The following UBASH3B variants were observed in gnomAD, a reference collection of about 807,000 sequenced individuals.
UBASH3B encodes the protein ubiquitin-associated and SH3 domain-containing protein B.
In UBASH3B, 37 loss-of-function variants were observed where a neutral mutation model predicts 83.4. The ratio of observed to expected loss-of-function variants is 0.44; its 90% CI spans 0.34 to 0.58. The LOEUF is 0.58. Ranked by LOEUF, UBASH3B falls within the 20% of genes least tolerant of loss-of-function variation. The probability of loss-of-function intolerance (pLI) is 0.01; values close to 1 mark genes in which losing one functional copy is unlikely to be tolerated. For synonymous variants in UBASH3B, 304 were observed against 318.3 expected, an observed-to-expected ratio of 0.96 and a Z score of 0.48; for missense variants, 657 against 827.2, an observed-to-expected ratio of 0.79 and a Z score of 2.52.
intron 1 of UBASH3B, among the ~76,000 whole-genome samples, chr11:122,754,613 G>C (rs1244294201): frequency 2.0e-5 from 3 of 152,180 alleles, no homozygotes; most frequent in Non-Finnish European, 4.4e-5. Context: ...TCTGGCCTTG[G>C]TTCCCACTGA....
chr11:122,771,296 G>A (rs999424386), intron 1 of UBASH3B, among the ~76,000 whole-genome samples: 2 of 149,452 alleles, frequency 1.3e-5, no homozygotes, highest in African/African-American at 2.5e-5. Flanking sequence ...GCAATGGCAC[G>A]ACCTCGGCTC....
chr11:122,785,326 G>T (rs188636860), intron 5 of UBASH3B, among the ~76,000 whole-genome samples: 138 of 152,298 alleles, frequency 9.1e-4, no homozygotes, highest in African/African-American at 3.2e-3. Context: ...TACCTGAGCC[G>T]TCTGCACACG....
rs903703777 is a variant in UBASH3B, at chr11:122,808,229, T to C, written c.1812+53T>C. ...GTGATGGCTAGTAGTTTGAAGTCAG[T>C]ACAGTGACTGGCTGATTACCAAGTT... On this transcript the variant is annotated intron_variant, in intron 13 of 13. Coordinates refer to ENST00000284273, the MANE Select transcript of UBASH3B (RefSeq NM_032873.5). 5 of 1,372,148 alleles carry C rather than the reference T, an allele frequency of 3.6e-6. No homozygotes were observed. The African/African-American group carries it at 5.7e-5, about 16-fold the overall frequency. 85.0% of individuals were successfully genotyped at this position (1,372,148 alleles called of 1,614,324 possible).
At chr11:122,771,982 T>A (rs964238091) in intron 1 of UBASH3B, among the ~76,000 whole-genome samples, 1 of 152,204 alleles carries the variant, frequency 6.6e-6, no homozygotes, top group Non-Finnish European at 1.5e-5. Context: ...AACTGCAGCT[T>A]CACCAAGATA....
rs780317913 is a variant in UBASH3B, at chr11:122,744,886, T to TGTGTGTGTG, written c.162-31332_162-31324dup. ...ACATGTGTGACTCTGTGTGTGTGTG[T>TGTGTGTGTG]GTGTGTGTGTGTGCGCGCGCGCGCG... is the stretch of plus-strand genomic sequence containing the variant. On this transcript the variant is annotated intron_variant, in intron 1 of 13. Coordinates refer to ENST00000284273, the MANE Select transcript of UBASH3B (RefSeq NM_032873.5). Among the ~76,000 whole-genome samples, 890 of 136,444 alleles carry TGTGTGTGTG rather than the reference T, an allele frequency of 6.5e-3. 9 individuals are homozygous for TGTGTGTGTG. The highest frequency in any genetic ancestry group is 0.022 in the African/African-American group (805 of 37,364). 89.5% of individuals were successfully genotyped at this position (136,444 alleles called of 152,430 possible).
chr11:122,777,832 C>T (rs1421330028), intron 3 of UBASH3B, among the ~76,000 whole-genome samples: 1 of 152,074 alleles, frequency 6.6e-6, no homozygotes, highest in African/African-American at 2.4e-5. Flanking sequence ...CGAATTCAAG[C>T]GATTCTCCTG....
Position 122,811,503 on chromosome 11 carries a change from T to G in UBASH3B, c.*1617T>G, listed in dbSNP as rs1462394558. On this transcript the variant is annotated 3_prime_UTR_variant, in exon 14 of 14. Transcript: ENST00000284273. ...AAAGGATTATAGTTGTTTTGTTTTG[T>G]TTTTAGAGACAGGGTCTCACTATAA... is the stretch of plus-strand genomic sequence containing the variant. The G allele has an allele frequency of 1.3e-5, 2 of 152,184 alleles. No homozygotes were observed. Among genetic ancestry groups the G allele is most frequent in the Non-Finnish European group, 2.9e-5 (2 of 68,046 alleles). The allele number at this position is 152,184 out of a possible 1,614,324, so 9.4% of individuals were successfully genotyped here. A position where few individuals can be genotyped will look rare whatever the true frequency, so the allele number is the denominator to read the frequency against.
Position 122,808,196 on chromosome 11 carries a change from T to G in UBASH3B, c.1812+20T>G. The G allele has an allele frequency of 6.3e-7, 1 of 1,599,692 alleles. No individual in the cohort carries two copies. The highest frequency in any genetic ancestry group is 1.7e-5 in the Admixed American group (1 of 60,002). On this transcript the variant is annotated intron_variant, in intron 13 of 13. Coordinates refer to ENST00000284273, the MANE Select transcript of UBASH3B (RefSeq NM_032873.5). ...CGAAAGGTAATTCATTCTCGTACTT[T>G]GGGGTCCGTGATGGCTAGTAGTTTG... is the stretch of plus-strand genomic sequence containing the variant.
intron 9 of UBASH3B, among the ~76,000 whole-genome samples, chr11:122,798,625 G>A (rs906782558): frequency 4.0e-5 from 6 of 151,192 alleles, no homozygotes; most frequent in Non-Finnish European, 7.4e-5. Flanking sequence ...GCAGGAGAAT[G>A]GCTTGAACCC....
At chr11:122,751,515 C>T (rs1861199311) in intron 1 of UBASH3B, among the ~76,000 whole-genome samples, 1 of 152,260 alleles carries the variant, frequency 6.6e-6, no homozygotes, top group African/African-American at 2.4e-5. Flanking sequence ...GAGCCCACCT[C>T]CTGGCTCCAG....
intron 1 of UBASH3B, among the ~76,000 whole-genome samples, chr11:122,662,157 T>C (rs1591758665): frequency 1.3e-5 from 2 of 152,218 alleles, no homozygotes; most frequent in Admixed American, 1.3e-4. Flanking sequence ...TCATCCCGCC[T>C]TGGCCTCCCA....
intron 1 of UBASH3B, among the ~76,000 whole-genome samples, chr11:122,677,466 T>C (rs1188293686): frequency 6.6e-6 from 1 of 152,160 alleles, no homozygotes; most frequent in East Asian, 1.9e-4. Flanking sequence ...CCCTGGAACA[T>C]TGTACGTACC....
intron 1 of UBASH3B, among the ~76,000 whole-genome samples, chr11:122,661,756 G>A (rs1431946036): frequency 6.6e-6 from 1 of 151,462 alleles, no homozygotes; most frequent in African/African-American, 2.4e-5. Context: ...TTCAGGACGT[G>A]TCTAGAGTCA....
intron 1 of UBASH3B, among the ~76,000 whole-genome samples, chr11:122,699,194 T>G (rs1864002638): frequency 6.6e-6 from 1 of 152,160 alleles, no homozygotes; most frequent in Admixed American, 6.5e-5. Context: ...AGGAGGGGCA[T>G]GGGAGGGAAC....
At chr11:122,661,867 A>C (rs973150052) in intron 1 of UBASH3B, among the ~76,000 whole-genome samples, 16 of 151,004 alleles carry the variant, frequency 1.1e-4, no homozygotes, top group South Asian at 2.1e-4. Flanking sequence ...TCCAAAAAAA[A>C]AAAAAACAAA....
intron 1 of UBASH3B, among the ~76,000 whole-genome samples, chr11:122,670,564 A>G (rs1186740208): frequency 1.3e-5 from 2 of 152,200 alleles, no homozygotes; most frequent in Admixed American, 6.5e-5. Flanking sequence ...GATAATACAC[A>G]TAAGAATGGT....
intron 10 of UBASH3B, among the ~76,000 whole-genome samples, chr11:122,799,582 C>T (rs1339383129): frequency 6.6e-6 from 1 of 152,038 alleles, no homozygotes. Context: ...TGGATGAATC[C>T]TAGGCTTGCA....
intron 1 of UBASH3B, among the ~76,000 whole-genome samples, chr11:122,743,337 C>T (rs189965849): frequency 6.6e-6 from 1 of 152,172 alleles, no homozygotes; most frequent in African/African-American, 2.4e-5. Context: ...CACTCAGCCT[C>T]TCAAGTAGCT....
chr11:122,696,786 G>T (rs1428394871), intron 1 of UBASH3B, among the ~76,000 whole-genome samples: 1 of 152,188 alleles, frequency 6.6e-6, no homozygotes, highest in Non-Finnish European at 1.5e-5. Context: ...CAGAATACAC[G>T]GAGAGCACCC....
Sources: gnomAD v4.1 joint callset for allele counts (sites outside exome capture counted in the v4.1 genomes callset) on GRCh38, gnomAD v4.1.1 for gene constraint, MANE v1.5 for transcripts, NCBI Gene and HGNC (gene_info 2026-07-23, HGNC 2026-07-21) for gene names.